SBNO2: variants seen among roughly 807,000 people sequenced by gnomAD.
The protein encoded by SBNO2 is protein strawberry notch homolog 2.
SBNO2 carries 89 observed loss-of-function variants against 146.3 expected under a neutral mutation model. That is an observed-to-expected ratio of 0.61 (90% CI 0.51 to 0.73). The LOEUF is 0.73. SBNO2 is among the 30% of genes least tolerant of loss of function. The pLI is 0.00. For missense variants in SBNO2, 2,092 were observed against 2,003.7 expected (o/e 1.04, Z -0.84); for synonymous variants, 1,147 against 892.6 (o/e 1.29, Z -5.08).
intron 14 of SBNO2, among the ~76,000 whole-genome samples, chr19:1,118,055 G>A (rs2079854193): frequency 6.6e-6 from 1 of 152,268 alleles, no homozygotes; most frequent in Admixed American, 6.5e-5. Context: ...GAGTGAAGAG[G>A]CTGGGTGTGG....
intron 1 of SBNO2, among the ~76,000 whole-genome samples, chr19:1,160,301 A>C (rs1301593413): frequency 6.6e-6 from 1 of 152,112 alleles, no homozygotes; most frequent in Non-Finnish European, 1.5e-5. Flanking sequence ...CCCCCCACCC[A>C]CTGGGTACAT....
chr19:1,132,341 G>A (rs1290606044), intron 4 of SBNO2: 6 of 1,255,760 alleles, frequency 4.8e-6, no homozygotes, highest in African/African-American at 1.6e-5. Context: ...AAATGATGCC[G>A]GCCCCGTAAG....
In SBNO2 at chr19:1,127,645, T is replaced by G. The variant is rs780685301; in HGVS notation, c.400A>C (p.Thr134Pro). The change falls in exon 5 of 32, where the codon ACC (threonine) becomes CCC (proline). Residue 134 changes from threonine (T) to proline (P), a missense_variant. Coordinates refer to ENST00000361757, the MANE Select transcript of SBNO2 (RefSeq NM_014963.3). ...LPADSLNQVS[T>P]IWDDNPAPST... ...GGGGCAGGGTTATCGTCCCAGATGG[T>G]GGACACCTGGTTGAGGCTGTCAGCC... is the stretch of plus-strand genomic sequence containing the variant. 1.4e-5 allele frequency: 22 copies of G among 1,613,206 alleles called. No homozygotes were observed. In the Admixed American group the frequency reaches 3.7e-4, roughly 27 times the overall value.
intron 2 of SBNO2, 45 bp from the exon 3 acceptor site, chr19:1,149,487 G>A: frequency 2.0e-6 from 3 of 1,522,568 alleles, no homozygotes; most frequent in African/African-American, 1.4e-5. Context: ...CAGAGGACCT[G>A]CGGTGCAGCC....
At position 1,156,222 on chromosome 19, in the gene SBNO2, G is replaced by A. The variant is rs77095909; in HGVS notation, c.-126-1820C>T. On this transcript the variant is annotated intron_variant, in intron 1 of 31. Transcript: ENST00000361757. ...TCCCTACGGTCTCTGAGCCCCCCAC[G>A]TCTGTGGACGCCCCTTCCAGGCGGC... is the stretch of plus-strand genomic sequence containing the variant. Among the ~76,000 whole-genome samples the A allele has an allele frequency of 4.0e-3, 604 of 152,260 alleles. 7 individuals are homozygous for A. In the East Asian group the frequency reaches 0.05, roughly 13 times the overall value.
At chr19:1,146,446 C>T (rs866611310) in intron 4 of SBNO2, among the ~76,000 whole-genome samples, 46 of 152,140 alleles carry the variant, frequency 3.0e-4, no homozygotes, top group African/African-American at 1.1e-3. Flanking sequence ...GGCCGGCTTG[C>T]GCCCATCCCC....
intron 1 of SBNO2, among the ~76,000 whole-genome samples, chr19:1,161,062 G>A (rs2145332876): frequency 7.2e-6 from 1 of 138,032 alleles, no homozygotes; most frequent in Non-Finnish European, 1.6e-5. Flanking sequence ...AGCACCGGGA[G>A]GTGGGGGTGG....
At chr19:1,141,760 T>A (rs1445950922) in intron 4 of SBNO2, among the ~76,000 whole-genome samples, 1 of 152,110 alleles carries the variant, frequency 6.6e-6, no homozygotes, top group African/African-American at 2.4e-5. Flanking sequence ...ATACTGGGAC[T>A]ACAGGCTTGC....
At chr19:1,166,647 A>ACACACACACG (rs1423127354) in intron 1 of SBNO2, among the ~76,000 whole-genome samples, 1 of 135,216 alleles carries the variant, frequency 7.4e-6, no homozygotes, top group African/African-American at 2.8e-5. Context: ...ACACACACAC[A>ACACACACACG]CACGCTAAAA....
At position 1,119,524 on chromosome 19, in the gene SBNO2, G is replaced by A. The variant is rs372196557; in HGVS notation, c.1365C>T (p.Ile455=). Residue 455 remains isoleucine (I), a synonymous_variant, in exon 13 of 32, where the codon ATC becomes ATT. Coordinates refer to ENST00000361757, the MANE Select transcript of SBNO2 (RefSeq NM_014963.3). The stretch of plus-strand genomic sequence containing the variant: ...GTGAGAAGGGCACTCACCTCTTCTC[G>A]ATGGCGTGCAGGAACTCCTCAAAGT... ...FRNFEEFLHA[I]EKRGVGAMEI... is the part of the protein sequence containing the mutation. 33 of 1,602,790 alleles carry A rather than the reference G, an allele frequency of 2.1e-5. No homozygotes were observed. The highest frequency in any genetic ancestry group is 3.4e-5 in the Admixed American group (2 of 59,212).
chr19:1,140,168 T>C lies in SBNO2; in HGVS notation c.279+7141A>G, dbSNP rs1479161900. Among the ~76,000 whole-genome samples, 2 of 150,482 alleles carry C rather than the reference T, an allele frequency of 1.3e-5. No individual in the cohort carries two copies. The highest frequency in any genetic ancestry group is 4.0e-4 in the East Asian group (2 of 5,044). On this transcript the variant is annotated intron_variant, in intron 4 of 31. Coordinates refer to ENST00000361757, the MANE Select transcript of SBNO2 (RefSeq NM_014963.3). This position sits in a 1 kb window ranked among gnomAD's most constrained non-coding sequence, Gnocchi z 4.4. ...ACAAAAAATTAGCTGGGCGTGGTGG[T>C]GGGCACCTGTAGTCCCAGCTACTCG...
At chr19:1,145,028 G>C (rs951509944) in intron 4 of SBNO2, among the ~76,000 whole-genome samples, 5 of 151,620 alleles carry the variant, frequency 3.3e-5, no homozygotes, top group African/African-American at 1.2e-4. Context: ...GACAGAGGCA[G>C]AGAGAGAGAC....
chr19:1,114,146 C>T (rs1355178409), intron 18 of SBNO2, 85 bp downstream of exon 18: 20 of 1,260,376 alleles, frequency 1.6e-5, no homozygotes, highest in Non-Finnish European at 1.5e-5. Flanking sequence ...GAGCCTCAGG[C>T]TGGAATCCTG....
intron 14 of SBNO2, 121 bp from the exon 15 acceptor site, chr19:1,117,620 G>A: frequency 1.9e-6 from 2 of 1,037,536 alleles, no homozygotes; most frequent in Non-Finnish European, 1.4e-6. Flanking sequence ...TTTAGGGCAG[G>A]ATGGGGGTGC....
At chr19:1,134,207 G>A (rs1197363941) in intron 4 of SBNO2, among the ~76,000 whole-genome samples, 3 of 148,598 alleles carry the variant, frequency 2.0e-5, no homozygotes, top group Admixed American at 2.0e-4. Flanking sequence ...ACAGCTCACA[G>A]GTGGACCCAC....
At chr19:1,154,710 G>A (rs1599872901) in intron 1 of SBNO2, among the ~76,000 whole-genome samples, 1 of 152,202 alleles carries the variant, frequency 6.6e-6, no homozygotes, top group African/African-American at 2.4e-5. Context: ...CACCCAGACT[G>A]TGAGCAGTGG....
rs564395219 is a variant in SBNO2 at position 1,110,408 on chromosome 19, G to A, written c.3028+337C>T. Among the ~76,000 whole-genome samples the A allele has an allele frequency of 3.9e-4, 60 of 152,252 alleles. No homozygotes were observed. Among genetic ancestry groups the A allele is most frequent in the African/African-American group, 1.3e-3 (54 of 41,536 alleles). ...CTGGGCACCTTCCAGAGACGTGCACGGTGATCCCACGAGCCCTGTGCCTGC... is the reference window on the plus strand; with the variant it reads ...CTGGGCACCTTCCAGAGACGTGCACAGTGATCCCACGAGCCCTGTGCCTGC... On this transcript the variant is annotated intron_variant, in intron 26 of 31. Transcript: ENST00000361757. The surrounding 1 kb of genome is among the most constrained non-coding windows in gnomAD (Gnocchi z 4.9).
intron 4 of SBNO2, 50 bp from the exon 5 acceptor site, chr19:1,127,815 C>T (rs767970732): frequency 2.9e-5 from 45 of 1,571,186 alleles, no homozygotes; most frequent in Non-Finnish European, 3.9e-5. Flanking sequence ...GACACCAAGG[C>T]CCCTCCACGC....
intron 14 of SBNO2, 98 bp from the exon 15 acceptor site, chr19:1,117,597 A>C: frequency 2.5e-5 from 31 of 1,253,428 alleles, no homozygotes; most frequent in Non-Finnish European, 3.1e-5. Flanking sequence ...AGGCATCCCC[A>C]CGCCAGGTGG....
Sources: gnomAD v4.1 joint callset for allele counts (sites outside exome capture counted in the v4.1 genomes callset) on GRCh38, gnomAD v4.1.1 for gene constraint, Gnocchi (gnomAD v3.1) non-coding constraint, MANE v1.5 for transcripts, NCBI Gene and HGNC (gene_info 2026-07-23, HGNC 2026-07-21) for gene names.